FAAH2: variants seen among roughly 807,000 people sequenced by gnomAD.
FAAH2 encodes the protein fatty acid amide hydrolase 2.
Under a neutral mutation model 36.9 loss-of-function variants are expected in FAAH2, and 60 were observed. The ratio of observed to expected loss-of-function variants is 1.63; its 90% CI spans 1.32 to 2.02. FAAH2 has a LOEUF of 2.02. Ranked by LOEUF, FAAH2 falls within the 30% of genes most tolerant of loss-of-function variation. The pLI, the probability that FAAH2 is intolerant of heterozygous loss-of-function variation, is 0.00. For synonymous variants in FAAH2, 214 were observed against 143.8 expected (o/e 1.49, Z -3.49); for missense variants, 689 against 397.5 (o/e 1.73, Z -6.23).
chrX:57,396,183 A>G (rs921631549), intron 7 of FAAH2, among the ~76,000 whole-genome samples: 4 of 111,006 alleles, frequency 3.6e-5, no homozygotes, highest in Non-Finnish European at 7.6e-5. Flanking sequence ...TGTCAACACT[A>G]TCATTTCTGA....
At chrX:57,174,359 T>C in the FAAH2 span, among the ~76,000 whole-genome samples, 1 of 111,331 alleles carries the variant, frequency 9.0e-6, no homozygotes, top group Non-Finnish European at 1.9e-5. Flanking sequence ...TCCTCTAGAT[T>C]TTCTAGTTTG....
chrX:57,451,620 A>G (rs1248675494), intron 10 of FAAH2, among the ~76,000 whole-genome samples: 1 of 111,516 alleles, frequency 9.0e-6, no homozygotes, highest in Non-Finnish European at 1.9e-5. Context: ...TCCACGCAGT[A>G]CGAACCCCAT....
chrX:57,418,753 G>A (rs910352646), intron 7 of FAAH2, among the ~76,000 whole-genome samples: 1 of 109,113 alleles, frequency 9.2e-6, no homozygotes, highest in East Asian at 2.9e-4. Context: ...AAGTTTTAGG[G>A]TACATGTGCA....
intron 10 of FAAH2, among the ~76,000 whole-genome samples, chrX:57,479,005 T>C (rs1297869801): frequency 9.0e-6 from 1 of 111,582 alleles, no homozygotes; most frequent in Non-Finnish European, 1.9e-5. Flanking sequence ...TTTAAAGTAG[T>C]TTTTCCCAAT....
At chrX:57,277,208 A>G in the FAAH2 span, among the ~76,000 whole-genome samples, 1 of 111,907 alleles carries the variant, frequency 8.9e-6, no homozygotes, top group South Asian at 3.8e-4. Flanking sequence ...CCAGCAGCAC[A>G]TCAAAAAGCT....
At chrX:57,394,058 T>G (rs2055232512) in intron 7 of FAAH2, 3 of 727,587 alleles carry the variant, frequency 4.1e-6, no homozygotes, top group Non-Finnish European at 6.6e-6. Context: ...ATGAAATATC[T>G]GAGCATCAAT....
At chrX:57,478,974 C>CT (rs1422098385) in intron 10 of FAAH2, among the ~76,000 whole-genome samples, 2 of 111,449 alleles carry the variant, frequency 1.8e-5, no homozygotes, top group Non-Finnish European at 3.8e-5. Flanking sequence ...AATGTGGGCT[C>CT]TTTTTTGGTT....
At chrX:57,377,167 A>T (rs921111831) in intron 5 of FAAH2, among the ~76,000 whole-genome samples, 3 of 111,823 alleles carry the variant, frequency 2.7e-5, no homozygotes, top group Non-Finnish European at 3.8e-5. Flanking sequence ...CCCATTTGTC[A>T]ATTTTAGCTT....
intron 7 of FAAH2, among the ~76,000 whole-genome samples, chrX:57,418,180 T>A (rs2055896439): frequency 8.9e-6 from 1 of 111,735 alleles, no homozygotes; most frequent in East Asian, 2.8e-4. Context: ...GGGGGTGGAA[T>A]TCGGTGAGCT....
chrX:57,364,110 G>T (rs2054353784), intron 5 of FAAH2, among the ~76,000 whole-genome samples: 1 of 97,404 alleles, frequency 1.0e-5, no homozygotes. Flanking sequence ...TTGACTTTTT[G>T]GAATAATTTA....
At chrX:57,256,732 A>C in the FAAH2 span, among the ~76,000 whole-genome samples, 1 of 112,366 alleles carries the variant, frequency 8.9e-6, no homozygotes, top group South Asian at 3.7e-4. Context: ...GCACAGCAAA[A>C]GAAACTATCA....
chrX:57,327,978 C>A (rs916543852), intron 3 of FAAH2, among the ~76,000 whole-genome samples: 1 of 111,174 alleles, frequency 9.0e-6, no homozygotes, highest in Non-Finnish European at 1.9e-5. Context: ...GTTTTATCTA[C>A]CTTTGGTCTT....
At chrX:57,229,200 TA>T in the FAAH2 span, 1 of 112,334 alleles carries the variant, frequency 8.9e-6, no homozygotes, top group Non-Finnish European at 1.9e-5. Flanking sequence ...GCACTTGGAC[TA>T]TCGCTCATCT....
chrX:57,276,112 G>A, the FAAH2 span, among the ~76,000 whole-genome samples: 1 of 111,871 alleles, frequency 8.9e-6, no homozygotes, highest in East Asian at 2.8e-4. Flanking sequence ...CAAATCAACA[G>A]AATATACATT....
At chrX:57,188,466 G>A in the FAAH2 span, among the ~76,000 whole-genome samples, 51 of 108,354 alleles carry the variant, frequency 4.7e-4, no homozygotes, top group East Asian at 4.6e-3. Context: ...TTCTTTATTA[G>A]TCTGGCTAGT....
the FAAH2 span, among the ~76,000 whole-genome samples, chrX:57,205,509 T>C: frequency 8.9e-6 from 1 of 112,320 alleles, no homozygotes; most frequent in Non-Finnish European, 1.9e-5. Flanking sequence ...CAATTAACTG[T>C]GTGGAATGAA....
the FAAH2 span, chrX:57,137,649 A>G: frequency 9.0e-6 from 1 of 110,997 alleles, no homozygotes; most frequent in African/African-American, 3.3e-5. Flanking sequence ...ACAATTCACA[A>G]CAGTGGAACC....
the FAAH2 span, among the ~76,000 whole-genome samples, chrX:57,252,983 GATCTA>G: frequency 1.8e-5 from 2 of 111,461 alleles, no homozygotes; most frequent in Non-Finnish European, 3.8e-5. Context: ...AAAGGAGCAT[GATCTA>G]ATCCATTGCA....
chrX:57,294,380 G>T (rs1483198789), intron 2 of FAAH2, among the ~76,000 whole-genome samples: 1 of 111,861 alleles, frequency 8.9e-6, no homozygotes, highest in African/African-American at 3.2e-5. Context: ...TTCCAGCTTT[G>T]TGTTTGTGAT....
Sources: allele counts gnomAD v4.1 joint callset (sites outside exome capture counted in the v4.1 genomes callset), GRCh38; gene constraint gnomAD v4.1.1; transcripts MANE v1.5; gene names NCBI Gene and HGNC (gene_info 2026-07-23, HGNC 2026-07-21).